The following PTCD2 variants were observed in gnomAD, a reference collection of about 807,000 sequenced individuals.
The protein encoded by PTCD2 is pentatricopeptide repeat domain 2, also known as pentatricopeptide repeat-containing protein 2, mitochondrial.
A neutral mutation model predicts 42.6 loss-of-function variants in PTCD2; 31 were observed. That is an observed-to-expected ratio of 0.73 (90% CI 0.55 to 0.98). PTCD2 has a LOEUF of 0.98. PTCD2 is among the 50% of genes least tolerant of loss of function. The pLI, the probability that PTCD2 is intolerant of heterozygous loss-of-function variation, is 0.00. For missense variants in PTCD2, 476 were observed against 454.8 expected (o/e 1.05, Z -0.42); for synonymous variants, 183 against 170.9 (o/e 1.07, Z -0.55).
At chr5:72,333,030 C>T (rs1219828683) in intron 4 of PTCD2, among the ~76,000 whole-genome samples, 1 of 152,128 alleles carries the variant, frequency 6.6e-6, no homozygotes, top group Non-Finnish European at 1.5e-5. Flanking sequence ...GAGTCACATA[C>T]ATTGTGATTC....
intron 9 of PTCD2, among the ~76,000 whole-genome samples, chr5:72,357,166 C>T (rs1752916125): frequency 6.6e-6 from 1 of 152,146 alleles, no homozygotes; most frequent in Non-Finnish European, 1.5e-5. Context: ...TTAGATGGTT[C>T]ACAGCCGTCT....
intron 8 of PTCD2, among the ~76,000 whole-genome samples, chr5:72,344,027 C>A (rs1752220053): frequency 6.6e-6 from 1 of 152,174 alleles, no homozygotes; most frequent in South Asian, 2.1e-4. Context: ...AAACAAGTCA[C>A]AATCAATGGA....
At chr5:72,357,462 C>T (rs920817726) in intron 9 of PTCD2, among the ~76,000 whole-genome samples, 3 of 152,200 alleles carry the variant, frequency 2.0e-5, no homozygotes, top group Admixed American at 2.0e-4. Flanking sequence ...ATAGTCTCCA[C>T]ATTTCTGTAC....
At chr5:72,344,906 A>C (rs183946916) in intron 8 of PTCD2, among the ~76,000 whole-genome samples, 2 of 152,242 alleles carry the variant, frequency 1.3e-5, no homozygotes, top group Admixed American at 1.3e-4. Flanking sequence ...AGGTAAATGG[A>C]GGCAGGGCGA....
At chr5:72,330,094 G>A (rs1037484607) in intron 3 of PTCD2, among the ~76,000 whole-genome samples, 2 of 151,344 alleles carry the variant, frequency 1.3e-5, no homozygotes, top group African/African-American at 2.4e-5. Context: ...CACCACGCCC[G>A]GCTAATTTTT....
At chr5:72,349,168 C>A (rs936699849) in intron 8 of PTCD2, among the ~76,000 whole-genome samples, 1 of 152,232 alleles carries the variant, frequency 6.6e-6, no homozygotes, top group East Asian at 1.9e-4. Flanking sequence ...TTCTATGTTT[C>A]TACTCTACCA....
At chr5:72,345,821 A>G (rs879595638) in intron 8 of PTCD2, among the ~76,000 whole-genome samples, 5 of 152,158 alleles carry the variant, frequency 3.3e-5, no homozygotes, top group African/African-American at 9.7e-5. Context: ...TACTAATAGT[A>G]TTTTTTTGAC....
intron 2 of PTCD2, 24 bp downstream of exon 2, chr5:72,322,288 T>C: frequency 1.5e-6 from 2 of 1,348,482 alleles, no homozygotes; most frequent in Non-Finnish European, 2.1e-6. Flanking sequence ...TTTTGTTAAT[T>C]CTGTCATTTA....
chr5:72,332,646 C>T (rs746722044), intron 4 of PTCD2, among the ~76,000 whole-genome samples: 2 of 152,028 alleles, frequency 1.3e-5, no homozygotes, highest in African/African-American at 4.8e-5. Flanking sequence ...TGAAAGCAAA[C>T]GGGTTTTTTT....
At chr5:72,325,048 T>A (rs1203275550) in intron 2 of PTCD2, among the ~76,000 whole-genome samples, 1 of 151,790 alleles carries the variant, frequency 6.6e-6, no homozygotes, top group Non-Finnish European at 1.5e-5. Flanking sequence ...TCAGCCTCCC[T>A]AGTAGCTGGG....
At chr5:72,357,253 C>T (rs1190497090) in intron 9 of PTCD2, among the ~76,000 whole-genome samples, 1 of 152,186 alleles carries the variant, frequency 6.6e-6, no homozygotes, top group Non-Finnish European at 1.5e-5. Flanking sequence ...GAAATGATAG[C>T]ACCCATCATC....
chr5:72,325,186 G>T (rs1196190988), intron 2 of PTCD2, among the ~76,000 whole-genome samples: 1 of 152,164 alleles, frequency 6.6e-6, no homozygotes, highest in East Asian at 1.9e-4. Context: ...GCCTCCCAAA[G>T]TGCTGGGATT....
chr5:72,358,412 C>T lies in PTCD2; in HGVS notation c.1152C>T (p.Ser384=). The part of the protein sequence containing the change: ...SRRTFQPLSQ[S]LLAE ...GCACCTTCCAGCCACTCAGCCAGTC[C>T]CTGTTGGCTGAGTAACCCTGGTTTC... is the stretch of plus-strand genomic sequence containing the variant. The change falls in exon 10 of 10, where the codon TCC becomes TCT. Residue 384 remains serine (S), a synonymous_variant. Coordinates refer to ENST00000380639, the MANE Select transcript of PTCD2 (RefSeq NM_024754.5). 6.2e-7 allele frequency: 1 copy of T among 1,612,282 alleles called. No individual in the cohort carries two copies. Among genetic ancestry groups the T allele is most frequent in the East Asian group, 2.2e-5 (1 of 44,838 alleles).
At chr5:72,343,109 C>A in intron 8 of PTCD2, 73 bp downstream of exon 8, 1 of 749,024 alleles carries the variant, frequency 1.3e-6, no homozygotes, top group Non-Finnish European at 1.9e-6. Flanking sequence ...TAAAATTATA[C>A]CTAAATTTTT....
chr5:72,335,473 A>T (rs933588204), intron 5 of PTCD2: 6 of 257,024 alleles, frequency 2.3e-5, no homozygotes, highest in African/African-American at 1.4e-4. Context: ...AAAAAAAAAA[A>T]ATGATTCTTA....
At chr5:72,356,796 A>C (rs1163716049) in intron 9 of PTCD2, among the ~76,000 whole-genome samples, 1 of 152,230 alleles carries the variant, frequency 6.6e-6, no homozygotes, top group African/African-American at 2.4e-5. Context: ...AACATTAAGA[A>C]GTGCTTAAGC....
At chr5:72,357,233 TCTC>T (rs1430442297) in intron 9 of PTCD2, among the ~76,000 whole-genome samples, 1 of 152,138 alleles carries the variant, frequency 6.6e-6, no homozygotes, top group Non-Finnish European at 1.5e-5. Context: ...CTCCCTGTCT[TCTC>T]TATCAGGAAA....
chr5:72,331,134 C>A, intron 3 of PTCD2, 124 bp from the exon 4 acceptor site: 1 of 689,302 alleles, frequency 1.5e-6, no homozygotes. Flanking sequence ...TCTCCCCCTC[C>A]AGACTGTGAG....
chr5:72,334,964 T>A, intron 4 of PTCD2, 54 bp from the exon 5 acceptor site: 1 of 1,069,632 alleles, frequency 9.3e-7, no homozygotes, highest in Non-Finnish European at 1.5e-6. Context: ...TAAAAGTACC[T>A]CCTCAATAAA....
Sources: allele counts gnomAD v4.1 joint callset (sites outside exome capture counted in the v4.1 genomes callset), GRCh38; gene constraint gnomAD v4.1.1; transcripts MANE v1.5; gene names NCBI Gene and HGNC (gene_info 2026-07-23, HGNC 2026-07-21).